The following TMEM178B variants were observed in gnomAD, a reference collection of about 807,000 sequenced individuals.
TMEM178B encodes the protein transmembrane protein 178B.
A neutral mutation model predicts 31.0 loss-of-function variants in TMEM178B; 5 were observed. That is an observed-to-expected ratio of 0.16 (90% CI 0.08 to 0.34). The LOEUF (loss-of-function observed/expected upper bound fraction) is 0.34. TMEM178B is among the 10% of genes least tolerant of loss of function. The probability of loss-of-function intolerance (pLI) is 1.00; values close to 1 mark genes in which losing one functional copy is unlikely to be tolerated. For missense variants in TMEM178B, 275 were observed against 400.3 expected (o/e 0.69, Z 2.67); for synonymous variants, 164 against 164.0 (o/e 1.00, Z 0.00).
At chr7:141,126,096 G>T (rs1248009867) in intron 1 of TMEM178B, among the ~76,000 whole-genome samples, 2 of 152,206 alleles carry the variant, frequency 1.3e-5, no homozygotes, top group Non-Finnish European at 1.5e-5. Flanking sequence ...TGAAATGAGT[G>T]ATCAAATAGT....
At position 141,479,921 on chromosome 7, in the gene TMEM178B, ATTATG is replaced by A. The variant is rs1454751598; in HGVS notation, c.*9139_*9143del. ...TATTGGTGCTAAAATAAGATAAAAT[ATTATG>A]TTAATTTGTTCTGATATGATGTGAA... On this transcript the variant is annotated 3_prime_UTR_variant, in exon 4 of 4. Coordinates refer to ENST00000565468, the MANE Select transcript of TMEM178B (RefSeq NM_001195278.2). 1 of 152,236 alleles carries A rather than the reference ATTATG, an allele frequency of 6.6e-6. No individual in the cohort carries two copies. The highest frequency in any genetic ancestry group is 1.9e-4 in the East Asian group (1 of 5,200). The allele number at this position is 152,236 out of a possible 1,614,324, so 9.4% of individuals were successfully genotyped here.
chr7:141,374,761 C>T (rs1039935940), intron 2 of TMEM178B, among the ~76,000 whole-genome samples: 18 of 152,228 alleles, frequency 1.2e-4, no homozygotes, highest in African/African-American at 3.4e-4. Context: ...TTTCTCTGTG[C>T]GACTATAGAT....
rs113510758 is a variant in TMEM178B, at chr7:141,386,938, C to T, written c.497-50670C>T. 8.0e-3 allele frequency among the ~76,000 whole-genome samples: 1,225 copies of T among 152,264 alleles called. 10 individuals carry two copies. The highest frequency in any genetic ancestry group is 0.011 in the Non-Finnish European group (751 of 68,012). ...CTTCAATAATCCCCAGTGCCCATAT[C>T]TGCCCCAAATTTCAAAATCCCGGAA... On this transcript the variant is annotated intron_variant, in intron 2 of 3. Transcript: ENST00000565468.
intron 2 of TMEM178B, among the ~76,000 whole-genome samples, chr7:141,395,994 G>T (rs1206101684): frequency 6.6e-6 from 1 of 152,188 alleles, no homozygotes; most frequent in African/African-American, 2.4e-5. Flanking sequence ...ACTGGTAATA[G>T]AATTATCTTC....
At chr7:141,243,283 G>A (rs187664537) in intron 2 of TMEM178B, among the ~76,000 whole-genome samples, 23 of 152,016 alleles carry the variant, frequency 1.5e-4, no homozygotes, top group Non-Finnish European at 2.8e-4. Flanking sequence ...GGTCACTTGT[G>A]GATTTTTGTT....
At chr7:141,315,999 G>A (rs531338193) in intron 2 of TMEM178B, among the ~76,000 whole-genome samples, 5 of 152,242 alleles carry the variant, frequency 3.3e-5, no homozygotes, top group African/African-American at 7.2e-5. Context: ...CCTCCTAATA[G>A]GATCCTTGTT....
intron 2 of TMEM178B, among the ~76,000 whole-genome samples, chr7:141,330,089 T>C (rs1470591586): frequency 9.2e-5 from 14 of 152,180 alleles, no homozygotes; most frequent in East Asian, 7.7e-4. Context: ...AAGGGCTTTT[T>C]TTTTTGGTTG....
chr7:141,383,478 T>C (rs1331719408), intron 2 of TMEM178B, among the ~76,000 whole-genome samples: 5 of 152,034 alleles, frequency 3.3e-5, no homozygotes, highest in Non-Finnish European at 7.4e-5. Flanking sequence ...GTTCGGTTTT[T>C]TGTCCTTGCA....
At chr7:141,346,054 T>C (rs1198720935) in intron 2 of TMEM178B, among the ~76,000 whole-genome samples, 2 of 152,042 alleles carry the variant, frequency 1.3e-5, no homozygotes, top group African/African-American at 4.8e-5. Context: ...ACCCTGTCTC[T>C]ACTAAAAATA....
chr7:141,242,525 C>T lies in TMEM178B; in HGVS notation c.496+29821C>T, dbSNP rs796760652. Among the ~76,000 whole-genome samples, 16 of 144,424 alleles carry T rather than the reference C, an allele frequency of 1.1e-4. 1 individual carries two copies. The highest frequency in any genetic ancestry group is 4.1e-4 in the African/African-American group (16 of 38,994). The allele number at this position is 144,424 out of a possible 152,430, so 94.7% of individuals were successfully genotyped here. A position where few individuals can be genotyped will look rare whatever the true frequency, so the allele number is the denominator to read the frequency against. ...GTGTGTGTGTTTCTCCATTACCTAC[C>T]TTCCCGATTCTTTTCCTTTTTTTTT... is the stretch of plus-strand genomic sequence containing the variant. On this transcript the variant is annotated intron_variant, in intron 2 of 3. Transcript: ENST00000565468.
At chr7:141,075,702 T>C (rs73498982) in intron 1 of TMEM178B, among the ~76,000 whole-genome samples, 3,093 of 152,308 alleles carry the variant, frequency 0.02, 110 homozygotes, top group African/African-American at 0.069. Context: ...CTGGTTTTTT[T>C]CCCCTTGTGT....
intron 1 of TMEM178B, among the ~76,000 whole-genome samples, chr7:141,169,046 GTTTAAA>G (rs1796304998): frequency 6.6e-6 from 1 of 152,118 alleles, no homozygotes; most frequent in African/African-American, 2.4e-5. Flanking sequence ...TATTTTATGT[GTTTAAA>G]TTTAACTTTT....
intron 2 of TMEM178B, among the ~76,000 whole-genome samples, chr7:141,431,746 C>A (rs1382793241): frequency 1.3e-5 from 2 of 152,058 alleles, no homozygotes; most frequent in Non-Finnish European, 2.9e-5. Context: ...TTGTTCTTTT[C>A]TTTTTCTTTT....
At chr7:141,187,004 A>T (rs951862133) in intron 1 of TMEM178B, among the ~76,000 whole-genome samples, 12 of 152,010 alleles carry the variant, frequency 7.9e-5, no homozygotes, top group African/African-American at 2.9e-4. Flanking sequence ...GGTTTGTTAC[A>T]TATGTATACA....
chr7:141,217,488 A>G (rs778429453), intron 2 of TMEM178B, among the ~76,000 whole-genome samples: 25 of 152,188 alleles, frequency 1.6e-4, no homozygotes, highest in Non-Finnish European at 2.8e-4. Flanking sequence ...TGGCTGCCCC[A>G]GGTGAGGACC....
At chr7:141,254,251 CT>C (rs1195740390) in intron 2 of TMEM178B, among the ~76,000 whole-genome samples, 1 of 152,144 alleles carries the variant, frequency 6.6e-6, no homozygotes, top group Non-Finnish European at 1.5e-5. Context: ...GGGAAATGGC[CT>C]TTCAGAGGTA....
chr7:141,443,661 T>C (rs1801701739), intron 3 of TMEM178B, among the ~76,000 whole-genome samples: 1 of 152,132 alleles, frequency 6.6e-6, no homozygotes, highest in South Asian at 2.1e-4. Flanking sequence ...AAATTATTTT[T>C]CCCCCATTTC....
intron 3 of TMEM178B, among the ~76,000 whole-genome samples, chr7:141,463,805 G>A (rs1446811036): frequency 1.3e-5 from 2 of 152,186 alleles, no homozygotes; most frequent in Non-Finnish European, 2.9e-5. Flanking sequence ...AGGGATGGTG[G>A]GAGTCAGGGT....
chr7:141,446,637 T>C (rs1363318607), intron 3 of TMEM178B, among the ~76,000 whole-genome samples: 7 of 152,162 alleles, frequency 4.6e-5, no homozygotes, highest in Non-Finnish European at 8.8e-5. Context: ...GGTTTTGTCA[T>C]GGAGAACCAG....
Sources: gnomAD v4.1 joint callset for allele counts (sites outside exome capture counted in the v4.1 genomes callset) on GRCh38, gnomAD v4.1.1 for gene constraint, MANE v1.5 for transcripts, NCBI Gene and HGNC (gene_info 2026-07-23, HGNC 2026-07-21) for gene names.